SLC48A1: variants seen among roughly 807,000 people sequenced by gnomAD.
SLC48A1 encodes heme transporter HRG1.
In SLC48A1, 6 loss-of-function variants were observed where a neutral mutation model predicts 14.8. The ratio of observed to expected loss-of-function variants is 0.41; its 90% CI spans 0.22 to 0.80. The LOEUF (loss-of-function observed/expected upper bound fraction) is 0.80, where lower values mean the gene tolerates loss of function less well. SLC48A1 is among the 30% of genes least tolerant of loss of function. The pLI is 0.34. For synonymous variants in SLC48A1, 89 were observed against 90.0 expected (o/e 0.99, Z 0.06); for missense variants, 165 against 204.8 (o/e 0.81, Z 1.19).
chr12:47,776,060 C>T (rs904185574), intron 1 of SLC48A1, among the ~76,000 whole-genome samples: 8 of 152,208 alleles, frequency 5.3e-5, no homozygotes, highest in African/African-American at 1.9e-4. Flanking sequence ...GAGCTGTGAG[C>T]AAGAGCCCTG....
At chr12:47,755,286 T>G (rs574160575), upstream of SLC48A1, among the ~76,000 whole-genome samples, 1 of 152,318 alleles carries the variant, frequency 6.6e-6, no homozygotes, top group South Asian at 2.1e-4. Flanking sequence ...ATGACATTAG[T>G]ACCTATCTCA....
chr12:47,774,805 A>G (rs1364247220), intron 1 of SLC48A1, among the ~76,000 whole-genome samples: 1 of 152,066 alleles, frequency 6.6e-6, no homozygotes, highest in Non-Finnish European at 1.5e-5. Context: ...CCTGAGGACA[A>G]CTGGCCCATC....
upstream of SLC48A1, among the ~76,000 whole-genome samples, chr12:47,771,819 A>C (rs1942635089): frequency 6.6e-6 from 1 of 151,748 alleles, no homozygotes; most frequent in African/African-American, 2.4e-5. Flanking sequence ...TGTAATCCCA[A>C]CTTCTCGGGA....
chr12:47,780,316 C>A lies in SLC48A1; in HGVS notation c.*35C>A, dbSNP rs747518019. 2 of 1,614,104 alleles carry A rather than the reference C, an allele frequency of 1.2e-6. No individual in the cohort carries two copies. On this transcript the variant is annotated 3_prime_UTR_variant, in exon 3 of 3. Coordinates refer to ENST00000442218, the MANE Select transcript of SLC48A1 (RefSeq NM_017842.3). Reference sequence around the variant, plus strand: ...TGAGGTCTCTGCACCCTGGGGGGGCCTTAGGACCTGGACTCAGCCTCTGAG... The same window carrying A: ...TGAGGTCTCTGCACCCTGGGGGGGCATTAGGACCTGGACTCAGCCTCTGAG...
chr12:47,765,318 G>A (rs1260913804), intron 2 of SLC48A1, among the ~76,000 whole-genome samples: 1 of 152,188 alleles, frequency 6.6e-6, no homozygotes, highest in Non-Finnish European at 1.5e-5. Flanking sequence ...CTGCCTGAGA[G>A]AGGGCACAGG....
At chr12:47,771,032 C>A, upstream of SLC48A1, 1 of 422,866 alleles carries the variant, frequency 2.4e-6, no homozygotes, top group Non-Finnish European at 4.9e-6. Flanking sequence ...ACCGGCAGCT[C>A]CTAAAGGAGG....
Position 47,764,758 on chromosome 12 carries a change from C to A in SLC48A1, c.-187+4357C>A, listed in dbSNP as rs142965613. On this transcript the variant is annotated intron_variant, in intron 2 of 4. Transcript: ENST00000547002. ...AGTTTTCCTGGCATCAGATCTACTGCCCATTTCCTCCCTTCAGAAAGAACT... is the reference window on the plus strand; with the variant it reads ...AGTTTTCCTGGCATCAGATCTACTGACCATTTCCTCCCTTCAGAAAGAACT... Among the ~76,000 whole-genome samples the A allele has an allele frequency of 2.6e-3, 389 of 152,330 alleles. 2 individuals carry two copies. The highest frequency in any genetic ancestry group is 9.0e-3 in the African/African-American group (376 of 41,564).
Position 47,781,023 on chromosome 12 carries a change from G to T in SLC48A1, c.*742G>T, listed in dbSNP as rs1234873046. On this transcript the variant is annotated 3_prime_UTR_variant, in exon 3 of 3. Transcript: ENST00000442218. Reference sequence around the variant, plus strand: ...CTAGGCACTCTCTTCCCAAGGCCAGGTTGGGCACCTGGGGAGGTCAGTTCA... The same window carrying T: ...CTAGGCACTCTCTTCCCAAGGCCAGTTTGGGCACCTGGGGAGGTCAGTTCA... 6.7e-6 allele frequency: 3 copies of T among 450,356 alleles called. No individual in the cohort carries two copies. The highest frequency in any genetic ancestry group is 5.1e-5 in the Admixed American group (2 of 38,860). 27.9% of individuals were successfully genotyped at this position (450,356 alleles called of 1,614,324 possible).
intron 2 of SLC48A1, among the ~76,000 whole-genome samples, chr12:47,779,692 A>G (rs981656542): frequency 6.6e-6 from 1 of 152,090 alleles, no homozygotes; most frequent in African/African-American, 2.4e-5. Flanking sequence ...GCTCCGTTCT[A>G]CTGTTCCAGG....
Position 47,782,228 on chromosome 12 carries a change from T to C in SLC48A1, c.*1947T>C, listed in dbSNP as rs534760166. The C allele has an allele frequency of 6.6e-6, 1 of 152,416 alleles. No individual in the cohort carries two copies. Among genetic ancestry groups the C allele is most frequent in the East Asian group, 1.9e-4 (1 of 5,188 alleles). 9.4% of individuals were successfully genotyped at this position (152,416 alleles called of 1,614,324 possible). ...CCTTCTCTCTTCTAGGCTCAGTGTA[T>C]GCTTAATCAGGCATGGTGCATCAGA... On this transcript the variant is annotated 3_prime_UTR_variant, in exon 3 of 3. Coordinates refer to ENST00000442218, the MANE Select transcript of SLC48A1 (RefSeq NM_017842.3).
At chr12:47,773,824 A>ACACACG (rs1201359658) in intron 1 of SLC48A1, among the ~76,000 whole-genome samples, 1 of 151,832 alleles carries the variant, frequency 6.6e-6, no homozygotes, top group African/African-American at 2.4e-5. Context: ...ACACACACAC[A>ACACACG]CACACGCACA....
At chr12:47,776,222 A>G (rs1013740744) in intron 1 of SLC48A1, among the ~76,000 whole-genome samples, 1 of 151,968 alleles carries the variant, frequency 6.6e-6, no homozygotes, top group African/African-American at 2.4e-5. Context: ...TCACCGCCCT[A>G]CCCTATGCCT....
At chr12:47,773,161 C>G (rs1215350583), upstream of SLC48A1, 53 of 980,330 alleles carry the variant, frequency 5.4e-5, no homozygotes, top group Non-Finnish European at 5.9e-5. Context: ...GGGCGCTGTG[C>G]GGGCGGCGCT....
rs562189857 is a variant in SLC48A1, at chr12:47,780,781, G to A, written c.*500G>A. The A allele has an allele frequency of 2.7e-5, 12 of 447,724 alleles. No individual in the cohort carries two copies. Among genetic ancestry groups the A allele is most frequent in the African/African-American group, 2.0e-4 (10 of 50,222 alleles). The allele number at this position is 447,724 out of a possible 1,614,324, so 27.7% of individuals were successfully genotyped here. On this transcript the variant is annotated 3_prime_UTR_variant, in exon 3 of 3. Transcript: ENST00000442218. ...AGGGTTTTGCCATGTTGGCCAGGCTGGTCTCGAACTCCTGATCTCAGGTGA... is the reference window on the plus strand; with the variant it reads ...AGGGTTTTGCCATGTTGGCCAGGCTAGTCTCGAACTCCTGATCTCAGGTGA...
At chr12:47,756,418 CCGGAGAG>C (rs879932192), upstream of SLC48A1, 2 of 152,236 alleles carry the variant, frequency 1.3e-5, no homozygotes, top group African/African-American at 4.8e-5. Context: ...AGCCAGTGAC[CCGGAGAG>C]CGGAGAGCCG....
chr12:47,770,856 C>T, upstream of SLC48A1: 1 of 456,716 alleles, frequency 2.2e-6, no homozygotes, highest in South Asian at 1.5e-5. Flanking sequence ...AAACGACTTA[C>T]AGTTTCCCAA....
chr12:47,766,654 C>G (rs996445639), upstream of SLC48A1, among the ~76,000 whole-genome samples: 5 of 152,182 alleles, frequency 3.3e-5, no homozygotes, highest in African/African-American at 1.2e-4. Context: ...TCCCCCTCCC[C>G]TCCCCCTGAC....
rs1484292415 is a variant in SLC48A1, at chr12:47,773,379, C to T, written c.75C>T (p.Ile25=). The change falls in exon 1 of 3, where the codon ATC becomes ATT. Residue 25 remains isoleucine, a synonymous_variant. Transcript: ENST00000442218. ...TCAGCTCCGTGGCCGGCTTCTCCAT[C>T]TTCCTCGTCTGGACGGTGGTCTACC... The part of the protein sequence containing the change: ...SGISSVAGFS[I]FLVWTVVYRQ... The T allele has an allele frequency of 6.8e-7, 1 of 1,479,230 alleles. No individual in the cohort carries two copies. Among genetic ancestry groups the T allele is most frequent in the East Asian group, 3.0e-5 (1 of 32,792 alleles). The allele number at this position is 1,479,230 out of a possible 1,614,324, so 91.6% of individuals were successfully genotyped here.
chr12:47,758,168 T>A, upstream of SLC48A1: 1 of 1,486,342 alleles, frequency 6.7e-7, no homozygotes, highest in Non-Finnish European at 9.0e-7. Flanking sequence ...ACTACTTCCT[T>A]AGAGTCCTCT....
Sources: gnomAD v4.1 joint callset for allele counts (sites outside exome capture counted in the v4.1 genomes callset) on GRCh38, gnomAD v4.1.1 for gene constraint, MANE v1.5 for transcripts, NCBI Gene and HGNC (gene_info 2026-07-23, HGNC 2026-07-21) for gene names.